Variants in CCNY observed in about 807,000 individuals in gnomAD.
CCNY encodes cyclin-Y.
A neutral mutation model predicts 42.8 loss-of-function variants in CCNY; 19 were observed. The ratio of observed to expected loss-of-function variants is 0.44; its 90% CI spans 0.31 to 0.65. The LOEUF is 0.65. Among genes scored for constraint, CCNY ranks in the 30% least tolerant of loss-of-function variants. The pLI is 0.07. For missense variants in CCNY, 370 were observed against 437.3 expected, an observed-to-expected ratio of 0.85 and a Z score of 1.37; for synonymous variants, 165 against 162.7, an observed-to-expected ratio of 1.01 and a Z score of -0.11.
At chr10:35,258,904 C>A (rs1342203961) in intron 3 of CCNY, among the ~76,000 whole-genome samples, 1 of 150,960 alleles carries the variant, frequency 6.6e-6, no homozygotes, top group Non-Finnish European at 1.5e-5. Flanking sequence ...CCACTGCACT[C>A]CAGCCTGGGT....
intron 3 of CCNY, among the ~76,000 whole-genome samples, chr10:35,324,752 AC>A (rs771986651): frequency 4.6e-4 from 70 of 152,334 alleles, no homozygotes; most frequent in Non-Finnish European, 5.7e-4. Context: ...TTTTGTGCAT[AC>A]TTTTTTTTCT....
At chr10:35,443,174 T>TAGAA (rs1838712117) in intron 1 of CCNY, among the ~76,000 whole-genome samples, 1 of 152,232 alleles carries the variant, frequency 6.6e-6, no homozygotes, top group South Asian at 2.1e-4. Context: ...TCTGAAGGCC[T>TAGAA]AGAACATTTG....
chr10:35,559,509 A>G (rs999973725), intron 8 of CCNY, among the ~76,000 whole-genome samples: 1 of 152,222 alleles, frequency 6.6e-6, no homozygotes, highest in Non-Finnish European at 1.5e-5. Flanking sequence ...GTCTATCCAT[A>G]TGGCAAAAAA....
At chr10:35,501,765 A>T in intron 3 of CCNY, 1 of 462,852 alleles carries the variant, frequency 2.2e-6, no homozygotes, top group South Asian at 4.7e-5. Flanking sequence ...TCATGAGATG[A>T]TGTGTGTGAA....
At chr10:35,311,943 G>A (rs2135086269) in intron 3 of CCNY, among the ~76,000 whole-genome samples, 1 of 152,040 alleles carries the variant, frequency 6.6e-6, no homozygotes, top group East Asian at 1.9e-4. Context: ...CTGTGATTAT[G>A]CCACTGCACT....
chr10:35,562,943 T>A (rs1395570383), intron 8 of CCNY, among the ~76,000 whole-genome samples: 1 of 151,670 alleles, frequency 6.6e-6, no homozygotes, highest in Non-Finnish European at 1.5e-5. Context: ...TTATACAGTG[T>A]TGATCTAGTG....
chr10:35,462,118 G>A (rs186618034), intron 1 of CCNY, among the ~76,000 whole-genome samples: 61 of 152,290 alleles, frequency 4.0e-4, no homozygotes, highest in African/African-American at 1.3e-3. Context: ...ACCTCTGGAA[G>A]TGGATTAAAT....
Position 35,538,521 on chromosome 10 carries a change from G to A in CCNY, c.579+8278G>A, listed in dbSNP as rs1299521071. 2.0e-5 allele frequency among the ~76,000 whole-genome samples: 3 copies of A among 152,320 alleles called. No individual in the cohort carries two copies. The South Asian group carries it at 6.2e-4, about 32-fold the overall frequency. ...TCATGTTAGCCATTCTAGTGGGTTT[G>A]AAGGGTTAGGTCATTGTTTTTATTT... On this transcript the variant is annotated intron_variant, in intron 7 of 9. Transcript: ENST00000374704.
At chr10:35,558,462 T>C (rs1841403291) in intron 8 of CCNY, among the ~76,000 whole-genome samples, 1 of 152,200 alleles carries the variant, frequency 6.6e-6, no homozygotes, top group South Asian at 2.1e-4. Flanking sequence ...ATATCCCAGC[T>C]TGAAGTCCAG....
chr10:35,354,710 C>T (rs935693505), intron 1 of CCNY, among the ~76,000 whole-genome samples: 6 of 152,022 alleles, frequency 3.9e-5, no homozygotes, highest in African/African-American at 7.2e-5. Flanking sequence ...GCAAAACAGA[C>T]GGGGAGTGGG....
chr10:35,371,523 C>T (rs1231790834), intron 1 of CCNY, among the ~76,000 whole-genome samples: 2 of 152,206 alleles, frequency 1.3e-5, no homozygotes, highest in Non-Finnish European at 2.9e-5. Flanking sequence ...TCTCCATGAT[C>T]TCACCTCCAC....
At chr10:35,524,623 A>T (rs1840613440) in intron 4 of CCNY, among the ~76,000 whole-genome samples, 1 of 152,150 alleles carries the variant, frequency 6.6e-6, no homozygotes. Flanking sequence ...CTTAAAAATA[A>T]TTTTTTTGGC....
chr10:35,538,117 C>T (rs1280298671), intron 7 of CCNY, among the ~76,000 whole-genome samples: 2 of 152,178 alleles, frequency 1.3e-5, no homozygotes, highest in Admixed American at 6.5e-5. Flanking sequence ...CTCATTCTCT[C>T]TCTGCCTGCT....
At chr10:35,557,952 G>A (rs976830260) in intron 8 of CCNY, among the ~76,000 whole-genome samples, 7 of 152,092 alleles carry the variant, frequency 4.6e-5, no homozygotes, top group African/African-American at 1.2e-4. Context: ...AGTTCAGAGC[G>A]CATGTTCAGA....
At chr10:35,473,646 G>A (rs1839436628) in intron 1 of CCNY, among the ~76,000 whole-genome samples, 1 of 152,186 alleles carries the variant, frequency 6.6e-6, no homozygotes, top group Non-Finnish European at 1.5e-5. Context: ...TGTTAGAGCT[G>A]ACTTCAGCAA....
At chr10:35,469,412 A>G (rs1839337879) in intron 1 of CCNY, among the ~76,000 whole-genome samples, 1 of 152,248 alleles carries the variant, frequency 6.6e-6, no homozygotes, top group Non-Finnish European at 1.5e-5. Flanking sequence ...TAGATACATT[A>G]AGATAGAAAA....
At chr10:35,383,937 G>A (rs145727417) in intron 1 of CCNY, among the ~76,000 whole-genome samples, 12 of 151,820 alleles carry the variant, frequency 7.9e-5, no homozygotes, top group African/African-American at 2.7e-4. Flanking sequence ...TATGCATTGT[G>A]GGGAATGAGA....
intron 3 of CCNY, among the ~76,000 whole-genome samples, chr10:35,267,063 T>C (rs2095726268): frequency 7.3e-6 from 1 of 136,948 alleles, no homozygotes; most frequent in African/African-American, 2.8e-5. Context: ...GCCTGGTGGA[T>C]AAGAGTGAGA....
At chr10:35,440,885 C>T (rs1043558339) in intron 1 of CCNY, among the ~76,000 whole-genome samples, 1 of 152,210 alleles carries the variant, frequency 6.6e-6, no homozygotes. Flanking sequence ...TAGATTTTCA[C>T]GTGTCATTGC....
Sources: allele counts gnomAD v4.1 joint callset (sites outside exome capture counted in the v4.1 genomes callset), GRCh38; gene constraint gnomAD v4.1.1; transcripts MANE v1.5; gene names NCBI Gene and HGNC (gene_info 2026-07-23, HGNC 2026-07-21).